Variants in SIMC1 observed in about 807,000 individuals in gnomAD.
The protein encoded by SIMC1 is SUMO-interacting motif-containing protein 1.
SIMC1 carries 55 observed loss-of-function variants against 82.3 expected under a neutral mutation model. That is an observed-to-expected ratio of 0.67 (90% CI 0.54 to 0.84). The LOEUF (loss-of-function observed/expected upper bound fraction) is 0.84. SIMC1 is among the 40% of genes least tolerant of loss of function. The pLI, the probability that SIMC1 is intolerant of heterozygous loss-of-function variation, is 0.00. For synonymous variants in SIMC1, 353 were observed against 426.3 expected (o/e 0.83, Z 2.12); for missense variants, 915 against 1,107.2 (o/e 0.83, Z 2.46).
At chr5:176,296,343 A>G (rs1387288799) in intron 4 of SIMC1, 23 bp downstream of exon 4, 37 of 1,612,906 alleles carry the variant, frequency 2.3e-5, no homozygotes, top group Non-Finnish European at 2.9e-5. Flanking sequence ...ATAAGATTAT[A>G]TCTTCTGTAG....
At chr5:176,302,414 C>T (rs1027271057) in intron 4 of SIMC1, among the ~76,000 whole-genome samples, 1 of 152,128 alleles carries the variant, frequency 6.6e-6, no homozygotes, top group African/African-American at 2.4e-5. Flanking sequence ...AAAACTACCT[C>T]AACATAATAA....
At chr5:176,342,935 A>C (rs1766215539) in intron 9 of SIMC1, among the ~76,000 whole-genome samples, 2 of 152,050 alleles carry the variant, frequency 1.3e-5, no homozygotes, top group South Asian at 4.2e-4. Flanking sequence ...GTGTCCCCAG[A>C]CTCTAGCCAG....
chr5:176,306,994 G>A (rs1238742430), intron 4 of SIMC1, among the ~76,000 whole-genome samples: 4 of 151,858 alleles, frequency 2.6e-5, no homozygotes, highest in African/African-American at 9.7e-5. Flanking sequence ...ATGGGCAGAG[G>A]ACTTATATAG....
intron 1 of SIMC1, among the ~76,000 whole-genome samples, chr5:176,251,975 C>A (rs1490469610): frequency 6.6e-6 from 1 of 151,122 alleles, no homozygotes; most frequent in African/African-American, 2.4e-5. Flanking sequence ...TTTCCCATGT[C>A]TACTTCTTTC....
Position 176,285,823 on chromosome 5 carries a change from C to T in SIMC1, c.130-3831C>T, listed in dbSNP as rs568646310. Among the ~76,000 whole-genome samples, 22 of 152,244 alleles carry T rather than the reference C, an allele frequency of 1.4e-4. No homozygotes were observed. The South Asian group carries it at 4.6e-3, about 32-fold the overall frequency. ...TACAAAATCAATGTGCAAAAAATCA[C>T]AAGCATTCTTATGCACCAATAACAG... On this transcript the variant is annotated intron_variant, in intron 1 of 9. Coordinates refer to ENST00000429602, the MANE Select transcript of SIMC1 (RefSeq NM_001308195.2).
Position 176,290,413 on chromosome 5 carries a change from T to C in SIMC1, c.889T>C (p.Leu297=), listed in dbSNP as rs139820975. The part of the protein sequence containing the change: ...QDVPGLPQSI[L]HPQDVAYLQD... ...TGTGCCAGGGCTGCCTCAAAGCATA[T>C]TACATCCACAAGATGTGGCATACCT... is the stretch of plus-strand genomic sequence containing the variant. The change falls in exon 2 of 10, where the codon TTA becomes CTA. Residue 297 remains leucine (L), a synonymous_variant. Transcript: ENST00000429602. 19 of 1,613,814 alleles carry C rather than the reference T, an allele frequency of 1.2e-5. No individual in the cohort carries two copies. The highest frequency in any genetic ancestry group is 5.0e-5 in the Admixed American group (3 of 59,992).
At chr5:176,253,135 GGAGACA>G in intron 1 of SIMC1, among the ~76,000 whole-genome samples, 1 of 152,292 alleles carries the variant, frequency 6.6e-6, no homozygotes, top group South Asian at 2.1e-4. Flanking sequence ...TGTGGAAAGG[GGAGACA>G]GAGAGGGAGA....
rs1477837810 is a variant in SIMC1, at chr5:176,313,785, A to G, written c.1829A>G (p.His610Arg). Residue 610 changes from histidine to arginine, a missense_variant, in exon 5 of 10, where the codon CAC becomes CGC. Around this residue, in one of 2 missense-constraint regions of SIMC1, gnomAD observed 902 missense variants for 1,040.3 expected, o/e 0.87. Coordinates refer to ENST00000429602, the MANE Select transcript of SIMC1 (RefSeq NM_001308195.2). Reference protein sequence around the residue: ...FQQTLRRQRQHLQQSIANMVL... With the variant: ...FQQTLRRQRQRLQQSIANMVL... ...CAGACCCTGAGGAGGCAACGGCAGC[A>G]CCTGCAGCAATCCATTGCAAACATG... The G allele has an allele frequency of 2.5e-6, 4 of 1,613,858 alleles. No homozygotes were observed. Among genetic ancestry groups the G allele is most frequent in the East Asian group, 4.5e-5 (2 of 44,896 alleles).
intron 1 of SIMC1, among the ~76,000 whole-genome samples, chr5:176,287,317 A>G (rs1310313759): frequency 1.3e-5 from 2 of 152,226 alleles, no homozygotes; most frequent in Non-Finnish European, 2.9e-5. Flanking sequence ...TGATGAGTTC[A>G]TGTCCTTTGT....
At chr5:176,242,559 C>T (rs1356069476) in intron 1 of SIMC1, among the ~76,000 whole-genome samples, 3 of 151,396 alleles carry the variant, frequency 2.0e-5, no homozygotes, top group East Asian at 3.9e-4. Context: ...TGTTATAAAT[C>T]GCCAAAAAAT....
intron 1 of SIMC1, among the ~76,000 whole-genome samples, chr5:176,281,681 G>A (rs1763015333): frequency 6.6e-6 from 1 of 152,178 alleles, no homozygotes; most frequent in African/African-American, 2.4e-5. Flanking sequence ...GTTGGAGTTT[G>A]CTAGAGGTCC....
chr5:176,280,891 A>T (rs1486323725), intron 1 of SIMC1, among the ~76,000 whole-genome samples: 1 of 152,132 alleles, frequency 6.6e-6, no homozygotes, highest in African/African-American at 2.4e-5. Flanking sequence ...ACTTTGGTGA[A>T]TCTGACAATT....
chr5:176,304,725 C>A lies in SIMC1; in HGVS notation c.1734+8405C>A, dbSNP rs1185710600. 9.3e-5 allele frequency among the ~76,000 whole-genome samples: 14 copies of A among 150,944 alleles called. No homozygotes were observed. In the East Asian group the frequency reaches 2.8e-3, roughly 30 times the overall value. ...AGGAGCGTCTCCGCCCGGCCGCCAT[C>A]CCATCTAGGAAGTGAGGAGCGCCTC... On this transcript the variant is annotated intron_variant, in intron 4 of 9. Transcript: ENST00000429602.
At chr5:176,313,482 A>T (rs531702258) in intron 4 of SIMC1, 1 of 1,551,928 alleles carries the variant, frequency 6.4e-7, no homozygotes, top group African/African-American at 1.4e-5. Context: ...GAAACCTTAT[A>T]AGGTATGATT....
Position 176,345,354 on chromosome 5 carries a change from A to T in SIMC1, c.2585A>T (p.Asp862Val), listed in dbSNP as rs1335214011. The change falls in exon 10 of 10, where the codon GAC (aspartate) becomes GTC (valine). Residue 862 changes from aspartate to valine, a missense_variant. Around this residue, in one of 2 missense-constraint regions of SIMC1, gnomAD observed 902 missense variants for 1,040.3 expected, o/e 0.87. Coordinates refer to ENST00000429602, the MANE Select transcript of SIMC1 (RefSeq NM_001308195.2). Reference protein sequence around the residue: ...LGEPLVPQLQDKVHLLKLLLF... With the variant: ...LGEPLVPQLQVKVHLLKLLLF... ...GAGCCTCTTGTCCCCCAACTCCAAG[A>T]CAAAGTGCACTTGTTGAAGCTCCTG... The T allele has an allele frequency of 1.2e-6, 2 of 1,613,876 alleles. No homozygotes were observed. Among genetic ancestry groups the T allele is most frequent in the Non-Finnish European group, 1.7e-6 (2 of 1,179,894 alleles).
At chr5:176,276,013 T>C (rs1581240988) in intron 1 of SIMC1, among the ~76,000 whole-genome samples, 1 of 151,684 alleles carries the variant, frequency 6.6e-6, no homozygotes, top group African/African-American at 2.4e-5. Flanking sequence ...GATTCCCTCA[T>C]TTTCTATTGA....
intron 1 of SIMC1, among the ~76,000 whole-genome samples, chr5:176,245,516 T>G (rs199540145): frequency 6.7e-6 from 1 of 148,882 alleles, no homozygotes; most frequent in East Asian, 2.0e-4. Flanking sequence ...ATATAGCCTC[T>G]TGTCATACAT....
chr5:176,338,964 A>G (rs528632205), intron 9 of SIMC1, among the ~76,000 whole-genome samples: 1 of 152,274 alleles, frequency 6.6e-6, no homozygotes, highest in Non-Finnish European at 1.5e-5. Context: ...ATGAGTGAAA[A>G]AAGTAATGTG....
intron 1 of SIMC1, among the ~76,000 whole-genome samples, chr5:176,246,193 G>A (rs1381921870): frequency 6.6e-6 from 1 of 150,858 alleles, no homozygotes; most frequent in African/African-American, 2.4e-5. Flanking sequence ...TGTATTTTTC[G>A]TAGAGACGGG....
Sources: allele counts gnomAD v4.1 joint callset (sites outside exome capture counted in the v4.1 genomes callset), GRCh38; gene constraint gnomAD v4.1.1; regional missense constraint gnomAD v4.1.1; transcripts MANE v1.5; gene names NCBI Gene and HGNC (gene_info 2026-07-23, HGNC 2026-07-21).